Variants in ANKFN1 observed in about 807,000 individuals in gnomAD.
ANKFN1 encodes ankyrin repeat and fibronectin type-III domain-containing protein 1.
ANKFN1 carries 74 observed loss-of-function variants against 108.7 expected under a neutral mutation model. That is an observed-to-expected ratio of 0.68 (90% confidence interval 0.56 to 0.83). ANKFN1 has a LOEUF of 0.83. Ranked by LOEUF, ANKFN1 falls within the 40% of genes least tolerant of loss-of-function variation. The pLI is 0.00. For missense variants in ANKFN1, 1,505 were observed against 1,382.3 expected (o/e 1.09, Z -1.41); for synonymous variants, 547 against 516.2 (o/e 1.06, Z -0.81).
chr17:56,202,792 G>A (rs1914171705), intron 1 of ANKFN1, among the ~76,000 whole-genome samples: 1 of 152,098 alleles, frequency 6.6e-6, no homozygotes, highest in African/African-American at 2.4e-5. Flanking sequence ...TTCTGGAACT[G>A]TTCAAAAAGG....
intron 14 of ANKFN1, 46 bp downstream of exon 14, chr17:56,458,025 A>T (rs2049774143): frequency 6.6e-7 from 1 of 1,513,590 alleles, no homozygotes; most frequent in African/African-American, 1.4e-5. Context: ...AAATATTTTT[A>T]ATGTAGAAAA....
chr17:56,232,436 C>A (rs1384639383), intron 3 of ANKFN1, among the ~76,000 whole-genome samples: 1 of 152,106 alleles, frequency 6.6e-6, no homozygotes. Flanking sequence ...CCCCTAGATA[C>A]AAAAGCTGCT....
intron 6 of ANKFN1, among the ~76,000 whole-genome samples, chr17:56,365,547 G>A (rs1374192317): frequency 6.6e-6 from 1 of 152,180 alleles, no homozygotes; most frequent in Non-Finnish European, 1.5e-5. Flanking sequence ...TCACCCATAT[G>A]TAAGGGCAGC....
intron 8 of ANKFN1, among the ~76,000 whole-genome samples, chr17:56,415,841 G>C (rs1165588247): frequency 6.6e-6 from 1 of 152,034 alleles, no homozygotes; most frequent in East Asian, 1.9e-4. Flanking sequence ...AATCAAAACA[G>C]CATGGTACTG....
At chr17:56,294,541 G>A (rs1410588899) in intron 3 of ANKFN1, among the ~76,000 whole-genome samples, 2 of 152,222 alleles carry the variant, frequency 1.3e-5, no homozygotes, top group African/African-American at 4.8e-5. Context: ...TAAGCAGAGG[G>A]AGTAGAGGTT....
rs113730634 is a variant in ANKFN1, at chr17:56,046,965, G to GT, written c.288+646dup. 2.1e-4 allele frequency among the ~76,000 whole-genome samples: 32 copies of GT among 152,254 alleles called. 1 individual carries two copies. The highest frequency in any genetic ancestry group is 7.7e-4 in the African/African-American group (32 of 41,546). ...GACACCTGTTTTGAACTATGGGAAA[G>GT]TTTTTTCTTTTCCTTTCTTTTCTTT... On this transcript the variant is annotated intron_variant, in intron 4 of 12. Coordinates refer to the ANKFN1 transcript ENST00000635860.
chr17:56,341,404 C>T (rs2045955338), intron 4 of ANKFN1, among the ~76,000 whole-genome samples: 1 of 152,074 alleles, frequency 6.6e-6, no homozygotes, highest in Non-Finnish European at 1.5e-5. Context: ...GGAATGCTTC[C>T]AGCTTTTGCC....
At chr17:56,495,314 T>G (rs2051165058) in intron 19 of ANKFN1, among the ~76,000 whole-genome samples, 1 of 30,968 alleles carries the variant, frequency 3.2e-5, no homozygotes, top group African/African-American at 5.2e-5. Flanking sequence ...GACTTTGTGG[T>G]CTCTCTCTCT....
chr17:56,482,307 T>C (rs2050734700), intron 17 of ANKFN1, 49 bp from the exon 18 acceptor site: 1 of 1,479,802 alleles, frequency 6.8e-7, no homozygotes, highest in South Asian at 1.5e-5. Flanking sequence ...TTTATGTAAG[T>C]GCCATGTTGT....
intron 3 of ANKFN1, among the ~76,000 whole-genome samples, chr17:56,265,592 G>A (rs1390606126): frequency 6.6e-6 from 1 of 152,152 alleles, no homozygotes; most frequent in Non-Finnish European, 1.5e-5. Flanking sequence ...GACTTTCACA[G>A]CATGGAAGCC....
At chr17:56,225,064 C>G (rs1916165401) in intron 2 of ANKFN1, 1 of 152,126 alleles carries the variant, frequency 6.6e-6, no homozygotes, top group Non-Finnish European at 1.5e-5. Flanking sequence ...AGAAGATCCC[C>G]ATTTATGATC....
In ANKFN1 at chr17:56,230,050, T is replaced by C. The variant is rs192210225; in HGVS notation, c.53+2093T>C. On this transcript the variant is annotated intron_variant, in intron 3 of 20. Transcript: ENST00000682825. The stretch of plus-strand genomic sequence containing the variant: ...GATTGTATTATTCAACCAATACAAA[T>C]GGAAAACGACCTAATCAACGTTCCA... 2.0e-5 allele frequency among the ~76,000 whole-genome samples: 3 copies of C among 152,270 alleles called. No individual in the cohort carries two copies. The East Asian group carries it at 5.8e-4, about 29-fold the overall frequency.
intron 8 of ANKFN1, among the ~76,000 whole-genome samples, chr17:56,419,265 T>A (rs2048329207): frequency 6.6e-6 from 1 of 152,082 alleles, no homozygotes; most frequent in Non-Finnish European, 1.5e-5. Flanking sequence ...GCAGATCACC[T>A]GTGGTCTGGA....
At chr17:56,389,175 G>A (rs2047360722) in intron 8 of ANKFN1, among the ~76,000 whole-genome samples, 1 of 152,254 alleles carries the variant, frequency 6.6e-6, no homozygotes, top group Admixed American at 6.5e-5. Flanking sequence ...CCTTAAATTG[G>A]TGAATGGTTA....
At chr17:56,344,363 G>A (rs961133060) in intron 4 of ANKFN1, among the ~76,000 whole-genome samples, 1 of 152,034 alleles carries the variant, frequency 6.6e-6, no homozygotes, top group African/African-American at 2.4e-5. Flanking sequence ...GCCTAGAACT[G>A]ATAAGCATCC....
At chr17:56,383,666 G>C (rs1214772806) in intron 8 of ANKFN1, among the ~76,000 whole-genome samples, 5 of 152,198 alleles carry the variant, frequency 3.3e-5, no homozygotes, top group South Asian at 2.1e-4. Flanking sequence ...CGATCCCACA[G>C]AAATACAAAC....
intron 4 of ANKFN1, among the ~76,000 whole-genome samples, chr17:56,133,120 C>G (rs894286727): frequency 3.3e-5 from 5 of 152,202 alleles, no homozygotes; most frequent in Non-Finnish European, 7.3e-5. Context: ...AGTCAACTCT[C>G]TGTTACATTT....
In ANKFN1 at chr17:56,459,362, C is replaced by T. The variant is rs544337317; in HGVS notation, c.1557+1383C>T. ...CTGACCTCAAGTGATCCACCTGCCT[C>T]GGCCTCCCAAAGTGCTGGGAGTACA... is the stretch of plus-strand genomic sequence containing the variant. On this transcript the variant is annotated intron_variant, in intron 14 of 20. Coordinates refer to ENST00000682825, the MANE Select transcript of ANKFN1 (RefSeq NM_001370326.1). Among the ~76,000 whole-genome samples, 8 of 152,244 alleles carry T rather than the reference C, an allele frequency of 5.3e-5. No individual in the cohort carries two copies. In the East Asian group the frequency reaches 5.8e-4, roughly 11 times the overall value.
chr17:56,224,499 C>T (rs1916112472), intron 2 of ANKFN1: 1 of 152,140 alleles, frequency 6.6e-6, no homozygotes, highest in Non-Finnish European at 1.5e-5. Flanking sequence ...TTACATTATA[C>T]AATTATACTC....
Sources: gnomAD v4.1 joint callset for allele counts (sites outside exome capture counted in the v4.1 genomes callset) on GRCh38, gnomAD v4.1.1 for gene constraint, MANE v1.5 for transcripts, NCBI Gene and HGNC (gene_info 2026-07-23, HGNC 2026-07-21) for gene names.